Variants in CNIH3 observed in about 807,000 individuals in gnomAD.
CNIH3 encodes cornichon family AMPA receptor auxiliary protein 3, also known as protein cornichon homolog 3.
In CNIH3, 14 loss-of-function variants were observed where a neutral mutation model predicts 24.1. That is an observed-to-expected ratio of 0.58 (90% confidence interval 0.38 to 0.91). The LOEUF is 0.91. CNIH3 is among the 40% of genes least tolerant of loss of function. CNIH3 has a pLI of 0.00. For synonymous variants in CNIH3, 68 were observed against 73.8 expected, an observed-to-expected ratio of 0.92 and a Z score of 0.40; for missense variants, 178 against 196.8, an observed-to-expected ratio of 0.90 and a Z score of 0.57.
At chr1:224,587,661 G>A (rs1448603037) in intron 5 of CNIH3, among the ~76,000 whole-genome samples, 3 of 152,084 alleles carry the variant, frequency 2.0e-5, no homozygotes, top group African/African-American at 4.8e-5. Flanking sequence ...ATCACAGGCC[G>A]GGCATAGTGG....
At chr1:224,731,772 A>G (rs1478738211) in intron 4 of CNIH3, among the ~76,000 whole-genome samples, 1 of 152,264 alleles carries the variant, frequency 6.6e-6, no homozygotes, top group African/African-American at 2.4e-5. Context: ...ATTAGACTCA[A>G]GAGTGACATT....
chr1:224,564,275 T>C (rs1006584225), intron 3 of CNIH3, among the ~76,000 whole-genome samples: 2 of 152,208 alleles, frequency 1.3e-5, no homozygotes, highest in African/African-American at 4.8e-5. Flanking sequence ...CACAGAGTGG[T>C]AGAAGAAGGT....
intron 3 of CNIH3, among the ~76,000 whole-genome samples, chr1:224,701,461 C>T (rs543133304): frequency 1.7e-4 from 26 of 152,062 alleles, no homozygotes; most frequent in African/African-American, 2.9e-4. Context: ...TCTCTCTGCA[C>T]CCTTTATCAG....
intron 3 of CNIH3, among the ~76,000 whole-genome samples, chr1:224,685,408 A>C (rs1686606713): frequency 6.6e-6 from 1 of 152,170 alleles, no homozygotes; most frequent in Non-Finnish European, 1.5e-5. Context: ...TCATTCAGGA[A>C]GCGCATGTGG....
intron 2 of CNIH3, among the ~76,000 whole-genome samples, chr1:224,535,813 G>A (rs887507106): frequency 1.3e-5 from 2 of 152,226 alleles, no homozygotes; most frequent in South Asian, 4.1e-4. Flanking sequence ...CAGGGCAAGG[G>A]CCTATTCCCA....
chr1:224,698,987 T>G (rs1687331229), intron 3 of CNIH3, among the ~76,000 whole-genome samples: 1 of 77,092 alleles, frequency 1.3e-5, no homozygotes, highest in East Asian at 3.5e-4. Context: ...AGCTGAGAGG[T>G]CACTTAGTAA....
At chr1:224,577,648 T>C (rs1681092803) in intron 4 of CNIH3, among the ~76,000 whole-genome samples, 1 of 152,098 alleles carries the variant, frequency 6.6e-6, no homozygotes, top group Non-Finnish European at 1.5e-5. Flanking sequence ...TGGAAAACAG[T>C]ATAGAGATTT....
intron 1 of CNIH3, among the ~76,000 whole-genome samples, chr1:224,632,280 C>A (rs905592572): frequency 2.6e-5 from 4 of 152,256 alleles, no homozygotes; most frequent in South Asian, 2.1e-4. Context: ...AACTGGAAGC[C>A]TTTAGAGCAG....
chr1:224,525,401 G>A (rs911149488), intron 2 of CNIH3, among the ~76,000 whole-genome samples: 8 of 152,206 alleles, frequency 5.3e-5, no homozygotes, highest in Non-Finnish European at 5.9e-5. Context: ...AGGCTTGGGA[G>A]CAGTCCATAT....
At chr1:224,537,929 A>G (rs963750758), downstream of CNIH3, among the ~76,000 whole-genome samples, 1 of 151,938 alleles carries the variant, frequency 6.6e-6, no homozygotes, top group Non-Finnish European at 1.5e-5. Flanking sequence ...AGTGGAGTAG[A>G]GTGGAAATCA....
chr1:224,552,952 A>G (rs928638324), intron 3 of CNIH3, among the ~76,000 whole-genome samples: 1 of 150,454 alleles, frequency 6.6e-6, no homozygotes, highest in Non-Finnish European at 1.5e-5. Flanking sequence ...TCTCTCTTAG[A>G]TATTATGAAT....
intron 3 of CNIH3, among the ~76,000 whole-genome samples, chr1:224,711,750 A>G (rs541902475): frequency 7.2e-5 from 10 of 138,382 alleles, no homozygotes; most frequent in Non-Finnish European, 1.1e-4. Context: ...AGCCTTGATC[A>G]TGCCACTGCA....
intron 3 of CNIH3, among the ~76,000 whole-genome samples, chr1:224,547,606 A>G (rs531405884): frequency 1.3e-5 from 2 of 152,004 alleles, no homozygotes; most frequent in Admixed American, 1.3e-4. Flanking sequence ...TACTCCTAAT[A>G]TCACAGTGCG....
At chr1:224,689,831 G>A (rs1399330790) in intron 3 of CNIH3, among the ~76,000 whole-genome samples, 1 of 152,158 alleles carries the variant, frequency 6.6e-6, no homozygotes, top group Non-Finnish European at 1.5e-5. Flanking sequence ...GGATTCTTGT[G>A]TTGACTTGTG....
chr1:224,681,559 C>G (rs1282469741), intron 2 of CNIH3, among the ~76,000 whole-genome samples: 2 of 152,186 alleles, frequency 1.3e-5, no homozygotes, highest in Non-Finnish European at 2.9e-5. Context: ...TTGTCCTGGT[C>G]TGGGTTCGGG....
chr1:224,702,451 AC>A (rs1687547751), intron 3 of CNIH3, among the ~76,000 whole-genome samples: 1 of 152,210 alleles, frequency 6.6e-6, no homozygotes, highest in South Asian at 2.1e-4. Context: ...ATGTATTCCC[AC>A]CAGCAGTATA....
At position 224,565,915 on chromosome 1, in the gene CNIH3, C is replaced by T. The variant is rs17512318; in HGVS notation, n.451-284C>T. 7.1e-3 allele frequency: 1,082 copies of T among 152,168 alleles called. 9 individuals are homozygous for T. The highest frequency in any genetic ancestry group is 0.013 in the Non-Finnish European group (859 of 68,032). The allele number at this position is 152,168 out of a possible 1,614,324, so 9.4% of individuals were successfully genotyped here. On this transcript the variant is annotated intron_variant and non_coding_transcript_variant, in intron 3 of 5. Transcript: ENST00000471578. The stretch of plus-strand genomic sequence containing the variant: ...AGATGAATGGACCATCTCGGTGATT[C>T]TTTGCTTCCCTCACACTGAGAAGGT...
At chr1:224,486,951 G>A (rs530362727) in intron 1 of CNIH3, among the ~76,000 whole-genome samples, 2 of 152,306 alleles carry the variant, frequency 1.3e-5, no homozygotes, top group South Asian at 4.1e-4. Flanking sequence ...GCTCCGGATG[G>A]ACTAAAACAC....
chr1:224,475,362 A>G lies in CNIH3; in HGVS notation n.204-40379A>G, dbSNP rs113348892. ...CAGAGCGAGACTCCATCTCAAAAAAAAAAAGAAAAGAAAAGAAAAGAAAAT... is the reference window on the plus strand; with the variant it reads ...CAGAGCGAGACTCCATCTCAAAAAAGAAAAGAAAAGAAAAGAAAAGAAAAT... On this transcript the variant is annotated intron_variant and non_coding_transcript_variant, in intron 1 of 5. Transcript: ENST00000471578. 1.1e-3 allele frequency among the ~76,000 whole-genome samples: 171 copies of G among 149,518 alleles called. 1 individual carries two copies. The highest frequency in any genetic ancestry group is 4.0e-3 in the African/African-American group (164 of 41,036).
Sources: allele counts gnomAD v4.1 joint callset (sites outside exome capture counted in the v4.1 genomes callset), GRCh38; gene constraint gnomAD v4.1.1; transcripts MANE v1.5; gene names NCBI Gene and HGNC (gene_info 2026-07-23, HGNC 2026-07-21).